Variants in NDST3 observed in about 807,000 individuals in gnomAD.
The protein encoded by NDST3 is N-deacetylase and N-sulfotransferase 3, also known as bifunctional heparan sulfate N-deacetylase/N-sulfotransferase 3.
A neutral mutation model predicts 96.1 loss-of-function variants in NDST3; 58 were observed. The ratio of observed to expected loss-of-function variants is 0.60; its 90% confidence interval spans 0.49 to 0.75. The LOEUF is 0.75. NDST3 is among the 30% of genes least tolerant of loss of function. NDST3 has a pLI of 0.00. For synonymous variants in NDST3, 333 were observed against 359.7 expected (o/e 0.93, Z 0.84); for missense variants, 788 against 1,034.2 (o/e 0.76, Z 3.27).
rs545365440 is a variant in NDST3 at position 118,143,994 on chromosome 4, C to A, written c.1539+310C>A. ...CACCTGTAAAACTCTCCTATTTCCA[C>A]GGGGAACCATTTTTTTTTCCATTTA... On this transcript the variant is annotated intron_variant, in intron 6 of 13. Coordinates refer to ENST00000296499, the MANE Select transcript of NDST3 (RefSeq NM_004784.3). 3.1e-3 allele frequency among the ~76,000 whole-genome samples: 443 copies of A among 144,120 alleles called. 2 individuals carry two copies. The highest frequency in any genetic ancestry group is 0.011 in the African/African-American group (416 of 37,410). 94.5% of individuals were successfully genotyped at this position (144,120 alleles called of 152,430 possible).
intron 1 of NDST3, among the ~76,000 whole-genome samples, chr4:118,043,268 T>C (rs888856853): frequency 3.3e-5 from 5 of 152,334 alleles, no homozygotes; most frequent in South Asian, 4.1e-4. Context: ...GTTAAAGCAT[T>C]AGAATACAGT....
chr4:118,200,785 T>C (rs1484559857), intron 6 of NDST3, among the ~76,000 whole-genome samples: 1 of 151,912 alleles, frequency 6.6e-6, no homozygotes, highest in Non-Finnish European at 1.5e-5. Context: ...TTTCTTTTCT[T>C]TTTTTTTAAT....
chr4:118,199,363 A>G (rs1433362809), intron 6 of NDST3, among the ~76,000 whole-genome samples: 1 of 152,138 alleles, frequency 6.6e-6, no homozygotes, highest in Non-Finnish European at 1.5e-5. Flanking sequence ...TTTCTTCAGC[A>G]TGCCAGCTGC....
At chr4:118,051,338 T>A (rs574173088) in intron 1 of NDST3, among the ~76,000 whole-genome samples, 2 of 152,298 alleles carry the variant, frequency 1.3e-5, no homozygotes, top group Non-Finnish European at 2.9e-5. Flanking sequence ...GTTTATGATA[T>A]CAGCCTTGGC....
Position 118,054,415 on chromosome 4 carries a change from G to A in NDST3, c.505G>A (p.Glu169Lys). ...TGTCATTGGATTCCACAAAACTAGT[G>A]AGAAGAGTGTACAGAGCTTTCAGTT... The part of the protein sequence containing the change: ...VGVIGFHKTS[E>K]KSVQSFQLKG... Residue 169 changes from glutamate (E) to lysine (K), a missense_variant, in exon 2 of 14, where the codon GAG (glutamate) becomes AAG (lysine). Around this residue, in one of 3 missense-constraint regions of NDST3, gnomAD observed 234 missense variants for 256.9 expected, o/e 0.91. Coordinates refer to ENST00000296499, the MANE Select transcript of NDST3 (RefSeq NM_004784.3). 6.2e-7 allele frequency: 1 copy of A among 1,613,048 alleles called. No homozygotes were observed.
chr4:118,186,671 A>G (rs1168784388), intron 6 of NDST3, among the ~76,000 whole-genome samples: 3 of 152,152 alleles, frequency 2.0e-5, no homozygotes, highest in African/African-American at 7.2e-5. Context: ...TCCTTTGGCA[A>G]CACCTTCACA....
chr4:118,189,622 AT>A (rs1737175448), intron 6 of NDST3, among the ~76,000 whole-genome samples: 1 of 152,194 alleles, frequency 6.6e-6, no homozygotes, highest in Non-Finnish European at 1.5e-5. Context: ...TAATTAAAAG[AT>A]TTTTTAAAAC....
At chr4:118,104,961 T>G in intron 2 of NDST3, 57 bp from the exon 3 acceptor site, 1 of 1,422,772 alleles carries the variant, frequency 7.0e-7, no homozygotes, top group Non-Finnish European at 9.9e-7. Flanking sequence ...ATATATCTTT[T>G]GGAAACTTTT....
At chr4:118,150,429 T>C (rs528021845) in intron 6 of NDST3, among the ~76,000 whole-genome samples, 27 of 152,020 alleles carry the variant, frequency 1.8e-4, no homozygotes, top group African/African-American at 6.3e-4. Flanking sequence ...CAAAAGAAAC[T>C]ACCATCAGAG....
At chr4:118,124,289 T>C (rs1731856460) in intron 4 of NDST3, among the ~76,000 whole-genome samples, 1 of 152,134 alleles carries the variant, frequency 6.6e-6, no homozygotes, top group African/African-American at 2.4e-5. Flanking sequence ...TGTTTGAGAA[T>C]GGAAGTAATG....
intron 2 of NDST3, among the ~76,000 whole-genome samples, chr4:118,060,974 T>A (rs1725846412): frequency 6.6e-6 from 1 of 152,148 alleles, no homozygotes. Context: ...TGCCAACTGT[T>A]CACCTTTTCT....
chr4:118,055,589 G>T (rs1293141887), intron 2 of NDST3: 2 of 151,926 alleles, frequency 1.3e-5, no homozygotes, highest in Admixed American at 1.3e-4. Flanking sequence ...TCATTATTAT[G>T]AGTTGATTGT....
At chr4:118,163,495 G>T (rs11941062) in intron 6 of NDST3, among the ~76,000 whole-genome samples, 1 of 151,148 alleles carries the variant, frequency 6.6e-6, no homozygotes, top group East Asian at 1.9e-4. Flanking sequence ...GTAAACTATC[G>T]CAAGAACAAA....
intron 6 of NDST3, among the ~76,000 whole-genome samples, chr4:118,147,583 A>G (rs913720986): frequency 3.9e-5 from 6 of 152,246 alleles, no homozygotes; most frequent in African/African-American, 1.4e-4. Flanking sequence ...CAATGACTGC[A>G]TCTGCCCTCA....
intron 6 of NDST3, among the ~76,000 whole-genome samples, chr4:118,164,830 G>A (rs1335584681): frequency 1.3e-5 from 2 of 152,064 alleles, no homozygotes; most frequent in African/African-American, 4.8e-5. Flanking sequence ...TCCAATTGAA[G>A]TTAAAGTTGT....
At chr4:118,222,241 AC>A (rs1346908916) in intron 6 of NDST3, among the ~76,000 whole-genome samples, 1 of 151,988 alleles carries the variant, frequency 6.6e-6, no homozygotes, top group Non-Finnish European at 1.5e-5. Flanking sequence ...AAGCAAGCTA[AC>A]TTTTTAACCA....
chr4:118,199,399 T>C (rs563009900), intron 6 of NDST3, among the ~76,000 whole-genome samples: 1 of 152,310 alleles, frequency 6.6e-6, no homozygotes, highest in Non-Finnish European at 1.5e-5. Context: ...AATTTCTGCA[T>C]GATCCTTTTT....
In NDST3 at chr4:118,107,786, G is replaced by A. The variant is rs114385296; in HGVS notation, c.1069+2681G>A. The stretch of plus-strand genomic sequence containing the variant: ...AGAAAAAAATGATAAACTGAATGAC[G>A]CTAAAATTAAGTATTTTTTATATAA... On this transcript the variant is annotated intron_variant, in intron 3 of 13. Coordinates refer to ENST00000296499, the MANE Select transcript of NDST3 (RefSeq NM_004784.3). Among the ~76,000 whole-genome samples, 1,015 of 152,150 alleles carry A rather than the reference G, an allele frequency of 6.7e-3. 8 individuals carry two copies. The highest frequency in any genetic ancestry group is 0.023 in the African/African-American group (970 of 41,502).
chr4:118,152,993 C>T (rs532154560), intron 6 of NDST3, among the ~76,000 whole-genome samples: 26 of 152,300 alleles, frequency 1.7e-4, no homozygotes, highest in African/African-American at 6.3e-4. Context: ...CACATGCCCC[C>T]CACTTCTAAA....
Sources: allele counts gnomAD v4.1 joint callset (sites outside exome capture counted in the v4.1 genomes callset), GRCh38; gene constraint gnomAD v4.1.1; regional missense constraint gnomAD v4.1.1; transcripts MANE v1.5; gene names NCBI Gene and HGNC (gene_info 2026-07-23, HGNC 2026-07-21).